The following GALNT13 variants were observed in gnomAD, a reference collection of about 807,000 sequenced individuals.
GALNT13 encodes polypeptide N-acetylgalactosaminyltransferase 13.
A neutral mutation model predicts 64.2 loss-of-function variants in GALNT13; 28 were observed. The ratio of observed to expected loss-of-function variants is 0.44; its 90% CI spans 0.32 to 0.60. The LOEUF (loss-of-function observed/expected upper bound fraction) is 0.60, where lower values mean the gene tolerates loss of function less well. Ranked by LOEUF, GALNT13 falls within the 20% of genes least tolerant of loss-of-function variation. GALNT13 has a pLI of 0.05. For synonymous variants in GALNT13, 214 were observed against 224.6 expected (o/e 0.95, Z 0.42); for missense variants, 577 against 669.8 (o/e 0.86, Z 1.53).
the GALNT13 span, among the ~76,000 whole-genome samples, chr2:153,290,229 G>A: frequency 1.9e-3 from 290 of 152,104 alleles, 1 homozygote; most frequent in African/African-American, 6.3e-3. Flanking sequence ...ATTATTGATA[G>A]TATTTTTAGC....
chr2:154,149,120 G>A (rs1172461343), intron 4 of GALNT13, among the ~76,000 whole-genome samples: 1 of 152,140 alleles, frequency 6.6e-6, no homozygotes, highest in Non-Finnish European at 1.5e-5. Context: ...TGTAAGGAAG[G>A]GATCCAGTTT....
At chr2:153,458,230 A>C in the GALNT13 span, among the ~76,000 whole-genome samples, 2 of 151,462 alleles carry the variant, frequency 1.3e-5, no homozygotes, top group Admixed American at 6.6e-5. Context: ...GCTTTAAAAA[A>C]AAATCAGTAG....
At chr2:153,257,837 G>A in the GALNT13 span, among the ~76,000 whole-genome samples, 1 of 152,170 alleles carries the variant, frequency 6.6e-6, no homozygotes, top group African/African-American at 2.4e-5. Context: ...GGAGGAACTG[G>A]TTATTTAACC....
At chr2:153,165,867 A>G in the GALNT13 span, among the ~76,000 whole-genome samples, 1 of 152,228 alleles carries the variant, frequency 6.6e-6, no homozygotes, top group South Asian at 2.1e-4. Context: ...TTTCATTATT[A>G]TCATGACCAG....
chr2:154,298,396 T>C (rs1017731946), intron 8 of GALNT13, among the ~76,000 whole-genome samples: 2 of 120,908 alleles, frequency 1.7e-5, no homozygotes, highest in African/African-American at 5.6e-5. Context: ...ATAATTTATA[T>C]AAATATATAA....
In GALNT13 at chr2:153,913,551, A is replaced by T. The variant is rs1339089633; in HGVS notation, c.-105+12544A>T. ...CAACACCAAATCCTCTGGGCTCTGC[A>T]TTGGCTGGAGTTCTGGCTCTAACAC... is the stretch of plus-strand genomic sequence containing the variant. On this transcript the variant is annotated intron_variant, in intron 2 of 12. Coordinates refer to ENST00000392825, the MANE Select transcript of GALNT13 (RefSeq NM_052917.4). Among the ~76,000 whole-genome samples, 3 of 152,144 alleles carry T rather than the reference A, an allele frequency of 2.0e-5. No homozygotes were observed. The East Asian group carries it at 5.8e-4, about 29-fold the overall frequency.
intron 4 of GALNT13, among the ~76,000 whole-genome samples, chr2:154,177,058 C>T (rs1685692469): frequency 6.6e-6 from 1 of 151,990 alleles, no homozygotes; most frequent in Non-Finnish European, 1.5e-5. Flanking sequence ...TTTTAAGAAC[C>T]ATACATAATG....
intron 9 of GALNT13, among the ~76,000 whole-genome samples, chr2:154,362,395 C>G (rs757649516): frequency 6.6e-6 from 1 of 151,738 alleles, no homozygotes; most frequent in Non-Finnish European, 1.5e-5. Context: ...TATATTTCAT[C>G]TCTCTCTCTC....
chr2:153,618,300 A>G, the GALNT13 span, among the ~76,000 whole-genome samples: 2 of 151,866 alleles, frequency 1.3e-5, no homozygotes, highest in African/African-American at 4.8e-5. Flanking sequence ...TCAGAAGCAT[A>G]TGGTCTAATT....
At chr2:153,706,365 C>T in the GALNT13 span, among the ~76,000 whole-genome samples, 1 of 152,282 alleles carries the variant, frequency 6.6e-6, no homozygotes, top group East Asian at 1.9e-4. Context: ...ATCTCCAAGA[C>T]CACTGTGAGG....
At chr2:153,217,110 T>C in the GALNT13 span, among the ~76,000 whole-genome samples, 2 of 152,064 alleles carry the variant, frequency 1.3e-5, no homozygotes, top group Admixed American at 1.3e-4. Context: ...CCAAAGTTCA[T>C]TGTTTTTATA....
chr2:153,454,212 CTCAGCA>C, the GALNT13 span, among the ~76,000 whole-genome samples: 6 of 152,066 alleles, frequency 3.9e-5, no homozygotes, highest in African/African-American at 1.2e-4. Context: ...TACCCCGAAC[CTCAGCA>C]TCACAAAATA....
intron 9 of GALNT13, among the ~76,000 whole-genome samples, chr2:154,370,233 T>C (rs376417997): frequency 2.6e-5 from 4 of 152,094 alleles, no homozygotes; most frequent in Non-Finnish European, 5.9e-5. Flanking sequence ...TGGGAACAGA[T>C]CTTGAAGGTC....
At chr2:153,513,127 AT>A in the GALNT13 span, among the ~76,000 whole-genome samples, 1 of 152,222 alleles carries the variant, frequency 6.6e-6, no homozygotes, top group Admixed American at 6.5e-5. Flanking sequence ...GAAATAAATA[AT>A]TGGATAAATT....
chr2:153,154,674 A>G, the GALNT13 span, among the ~76,000 whole-genome samples: 7 of 152,266 alleles, frequency 4.6e-5, no homozygotes, highest in Middle Eastern at 3.4e-3. Flanking sequence ...GGATCACGCT[A>G]TCTGCAAACA....
chr2:153,666,736 C>A, the GALNT13 span, among the ~76,000 whole-genome samples: 1 of 152,162 alleles, frequency 6.6e-6, no homozygotes, highest in Non-Finnish European at 1.5e-5. Flanking sequence ...AGTGCAAGAG[C>A]TCTGGCAAGT....
chr2:153,978,894 C>A (rs569593344), intron 3 of GALNT13, among the ~76,000 whole-genome samples: 20 of 152,124 alleles, frequency 1.3e-4, no homozygotes, highest in Non-Finnish European at 2.1e-4. Flanking sequence ...TCTCATTGCA[C>A]CACTGCACTC....
chr2:153,114,469 T>A, the GALNT13 span, among the ~76,000 whole-genome samples: 1 of 152,166 alleles, frequency 6.6e-6, no homozygotes, highest in African/African-American at 2.4e-5. Flanking sequence ...TTGACTAAAA[T>A]AATTTAAGTT....
chr2:154,174,727 T>C (rs1249897031), intron 4 of GALNT13, among the ~76,000 whole-genome samples: 1 of 152,122 alleles, frequency 6.6e-6, no homozygotes, highest in Admixed American at 6.5e-5. Flanking sequence ...ACATTTCTCA[T>C]TGGGAAATAA....
Sources: gnomAD v4.1 joint callset for allele counts (sites outside exome capture counted in the v4.1 genomes callset) on GRCh38, gnomAD v4.1.1 for gene constraint, MANE v1.5 for transcripts, NCBI Gene and HGNC (gene_info 2026-07-23, HGNC 2026-07-21) for gene names.